Variants in SYNE2 observed in about 807,000 individuals in gnomAD.
SYNE2 encodes spectrin repeat containing nuclear envelope protein 2.
Under a neutral mutation model 856.3 loss-of-function variants are expected in SYNE2, and 431 were observed. The ratio of observed to expected loss-of-function variants is 0.50; its 90% CI spans 0.47 to 0.55. The LOEUF is 0.55. Among genes scored for constraint, SYNE2 ranks in the 20% least tolerant of loss-of-function variants. The pLI is 0.00. For missense variants in SYNE2, 8,129 were observed against 8,023.2 expected (o/e 1.01, Z -0.50); for synonymous variants, 2,923 against 2,872.3 (o/e 1.02, Z -0.56).
rs753392379 is a variant in SYNE2 at position 64,003,129 on chromosome 14, G to A, written c.4196G>A (p.Cys1399Tyr). ...KDAERGDDTS[C>Y]ENLLDAFSIK... ...GCTGAACGGGGTGATGACACCTCCTGTGAAAACCTGCTTGATGCTTTTTCA... is the reference window on the plus strand; with the variant it reads ...GCTGAACGGGGTGATGACACCTCCTATGAAAACCTGCTTGATGCTTTTTCA... The change falls in exon 30 of 116, where the codon TGT becomes TAT. Residue 1399 changes from cysteine to tyrosine, a missense_variant. Transcript: ENST00000555002. 29 of 1,614,044 alleles carry A rather than the reference G, an allele frequency of 1.8e-5. 1 individual carries two copies. Among genetic ancestry groups the A allele is most frequent in the Middle Eastern group, 3.3e-4 (2 of 6,084 alleles).
At chr14:63,876,661 T>C (rs1273799800) in intron 1 of SYNE2, among the ~76,000 whole-genome samples, 1 of 152,056 alleles carries the variant, frequency 6.6e-6, no homozygotes, top group Non-Finnish European at 1.5e-5. Context: ...CTAATTTTTG[T>C]GTTTTTAGTA....
chr14:63,773,094 A>G (rs1886980745), intron 1 of SYNE2, among the ~76,000 whole-genome samples: 1 of 151,536 alleles, frequency 6.6e-6, no homozygotes, highest in African/African-American at 2.4e-5. Context: ...ACATTTTAAA[A>G]GAAGTTATTT....
intron 61 of SYNE2, among the ~76,000 whole-genome samples, chr14:64,094,459 TAAA>T (rs1319760418): frequency 6.6e-6 from 1 of 152,164 alleles, no homozygotes; most frequent in Non-Finnish European, 1.5e-5. Flanking sequence ...ATTTCTATAA[TAAA>T]AAACAACAAC....
Position 64,097,970 on chromosome 14 carries a change from A to C in SYNE2, c.12130A>C (p.Lys4044Gln). The change falls in exon 62 of 116, where the codon AAA becomes CAA. Residue 4044 changes from lysine to glutamine, a missense_variant. This residue lies in a region of SYNE2 where 5,410 missense variants were observed against 5,284.8 expected (regional missense o/e 1.02). Coordinates refer to ENST00000555002, the MANE Select transcript of SYNE2 (RefSeq NM_182914.3). Reference protein sequence around the residue: ...QLQGEIERMEKQILSLNQRKE... With the variant: ...QLQGEIERMEQQILSLNQRKE... ...ACAGGGAGAAATCGAACGTATGGAG[A>C]AACAGATTCTGAGTTTGAACCAGAG... is the stretch of plus-strand genomic sequence containing the variant. 1.2e-6 allele frequency: 2 copies of C among 1,614,222 alleles called. No individual in the cohort carries two copies. The highest frequency in any genetic ancestry group is 2.2e-5 in the South Asian group (2 of 91,088).
upstream of SYNE2, among the ~76,000 whole-genome samples, chr14:63,849,016 A>G (rs1285302528): frequency 6.6e-6 from 1 of 152,238 alleles, no homozygotes; most frequent in Non-Finnish European, 1.5e-5. Flanking sequence ...CAAGGGAGCA[A>G]TTAGCCAACA....
In SYNE2 at chr14:64,209,591, T is replaced by C. The variant is rs760100671; in HGVS notation, c.18540+13T>C. 2 of 1,613,620 alleles carry C rather than the reference T, an allele frequency of 1.2e-6. No homozygotes were observed. Among genetic ancestry groups the C allele is most frequent in the South Asian group, 2.2e-5 (2 of 91,056 alleles). ...GAAGAGGTTTGAGGTAAACACCTTC[T>C]CCATCCCGGTCTCCTGATCATAACC... On this transcript the variant is annotated intron_variant, in intron 102 of 115. Transcript: ENST00000555002.
chr14:64,067,980 TG>T (rs1180665422), intron 51 of SYNE2, among the ~76,000 whole-genome samples: 2 of 151,920 alleles, frequency 1.3e-5, no homozygotes, highest in Non-Finnish European at 2.9e-5. Context: ...GATGCAACTA[TG>T]GGTCCTTCTC....
chr14:63,946,252 T>A (rs2096024604), intron 6 of SYNE2, among the ~76,000 whole-genome samples: 3 of 151,708 alleles, frequency 2.0e-5, no homozygotes, highest in African/African-American at 7.3e-5. Context: ...GGAGACCCCA[T>A]CTCTGCAAAA....
intron 1 of SYNE2, among the ~76,000 whole-genome samples, chr14:63,894,469 G>T (rs375402678): frequency 1.3e-5 from 2 of 152,074 alleles, no homozygotes; most frequent in South Asian, 4.1e-4. Context: ...GGATCCTCCT[G>T]CCGTGGCCTC....
At position 64,119,420 on chromosome 14, in the gene SYNE2, T is replaced by TTCCTAG; in HGVS notation, c.12841-6_12841-1dup. On this transcript the variant is annotated splice_polypyrimidine_tract_variant and splice_region_variant and intron_variant, in intron 66 of 115. Transcript: ENST00000555002. ...ATTATGAATAATTAAATGCTTTTAT[T>TTCCTAG]TCCTAGGCTATGCTAACAGAGATTG... is the stretch of plus-strand genomic sequence containing the variant. The TTCCTAG allele has an allele frequency of 1.9e-6, 3 of 1,614,154 alleles. No individual in the cohort carries two copies. The highest frequency in any genetic ancestry group is 2.5e-6 in the Non-Finnish European group (3 of 1,179,998).
At chr14:64,071,371 G>A (rs2153600232) in intron 52 of SYNE2, among the ~76,000 whole-genome samples, 1 of 152,078 alleles carries the variant, frequency 6.6e-6, no homozygotes, top group African/African-American at 2.4e-5. Flanking sequence ...GCAGGAGCTT[G>A]TAGTCCCAGC....
intron 1 of SYNE2, among the ~76,000 whole-genome samples, chr14:63,878,567 CAG>C (rs956244676): frequency 3.4e-5 from 3 of 87,442 alleles, no homozygotes; most frequent in Non-Finnish European, 8.2e-5. Flanking sequence ...TTGTTTGAGA[CAG>C]AGTCTCACTC....
At chr14:64,199,340 C>G (rs2098552127) in intron 99 of SYNE2, among the ~76,000 whole-genome samples, 1 of 152,214 alleles carries the variant, frequency 6.6e-6, no homozygotes, top group Non-Finnish European at 1.5e-5. Context: ...CCTGCTTCCG[C>G]TATTGACCAT....
rs1239085511 is a variant in SYNE2 at position 64,032,609 on chromosome 14, G to A, written c.7221+1252G>A. On this transcript the variant is annotated intron_variant, in intron 45 of 115. Transcript: ENST00000555002. ...GTTGTTGAGACGGAGTTTCACTCTT[G>A]TTGCCCTGGCTGGAGTGCAATGGTG... 5.2e-5 allele frequency among the ~76,000 whole-genome samples: 7 copies of A among 133,898 alleles called. No homozygotes were observed. In the Admixed American group the frequency reaches 5.4e-4, roughly 10 times the overall value. 87.8% of individuals were successfully genotyped at this position (133,898 alleles called of 152,430 possible).
intron 45 of SYNE2, among the ~76,000 whole-genome samples, chr14:64,033,635 G>A (rs183024060): frequency 3.9e-5 from 6 of 152,164 alleles, no homozygotes; most frequent in South Asian, 2.1e-4. Flanking sequence ...GTAGTGAGCC[G>A]AGATTGTGCC....
chr14:63,797,090 A>AAAAG (rs1887945900), intron 1 of SYNE2, among the ~76,000 whole-genome samples: 1 of 148,330 alleles, frequency 6.7e-6, no homozygotes, highest in African/African-American at 2.5e-5. Flanking sequence ...AAAAAAAAAA[A>AAAAG]AAAAGAAAAG....
chr14:64,133,016 C>T (rs957553615), intron 77 of SYNE2, among the ~76,000 whole-genome samples: 3 of 151,294 alleles, frequency 2.0e-5, no homozygotes, highest in African/African-American at 7.3e-5. Flanking sequence ...TCCTGGCTAA[C>T]ACAGTGAAAC....
At position 63,991,072 on chromosome 14, in the gene SYNE2, T is replaced by G; in HGVS notation, c.2603T>G (p.Leu868Arg). 6.2e-7 allele frequency: 1 copy of G among 1,614,140 alleles called. No individual in the cohort carries two copies. The highest frequency in any genetic ancestry group is 8.5e-7 in the Non-Finnish European group (1 of 1,179,996). The change falls in exon 21 of 116, where the codon CTG becomes CGG. Residue 868 changes from leucine to arginine, a missense_variant. By Grantham distance (102) the Leu-to-Arg change is moderately radical (BLOSUM62 -2). Transcript: ENST00000555002. ...ESYMMRAQQL[L>R]GQRESPGELI... ...TATATGATGAGGGCTCAGCAGTTAC[T>G]GGGGCAAAGAGAGAGCCCCGGTGAA...
chr14:64,143,691 C>A, intron 82 of SYNE2, 81 bp from the exon 83 acceptor site: 2 of 1,460,674 alleles, frequency 1.4e-6, no homozygotes, highest in Non-Finnish European at 1.9e-6. Context: ...AGCTTGGTGC[C>A]CCCTCGAGCA....
Sources: allele counts gnomAD v4.1 joint callset (sites outside exome capture counted in the v4.1 genomes callset), GRCh38; gene constraint gnomAD v4.1.1; regional missense constraint gnomAD v4.1.1; transcripts MANE v1.5; gene names NCBI Gene and HGNC (gene_info 2026-07-23, HGNC 2026-07-21).